The following B3GAT2 variants were observed in gnomAD, a reference collection of about 807,000 sequenced individuals.
The protein encoded by B3GAT2 is galactosylgalactosylxylosylprotein 3-beta-glucuronosyltransferase 2.
A neutral mutation model predicts 27.8 loss-of-function variants in B3GAT2; 26 were observed. The observed-to-expected ratio is 0.93, with a 90% CI of 0.68 to 1.30. B3GAT2 has a LOEUF of 1.30. Ranked by LOEUF, B3GAT2 falls within the 50% of genes most tolerant of loss-of-function variation. B3GAT2 has a pLI of 0.00. For missense variants in B3GAT2, 458 were observed against 459.0 expected, an observed-to-expected ratio of 1.00 and a Z score of 0.02; for synonymous variants, 218 against 195.1, an observed-to-expected ratio of 1.12 and a Z score of -0.98.
chr6:70,895,475 T>C (rs1582361434), intron 1 of B3GAT2, among the ~76,000 whole-genome samples: 1 of 149,510 alleles, frequency 6.7e-6, no homozygotes, highest in South Asian at 2.1e-4. Flanking sequence ...ATTATTATCC[T>C]ACCTTGTTCC....
intron 1 of B3GAT2, among the ~76,000 whole-genome samples, chr6:70,894,761 G>C (rs1252226232): frequency 8.5e-5 from 13 of 152,124 alleles, no homozygotes; most frequent in Non-Finnish European, 1.6e-4. Context: ...TTAATAATGG[G>C]ATCCAGATAC....
rs995478113 is a variant in B3GAT2, at chr6:70,857,449, T to C, written c.*4214A>G. The C allele has an allele frequency of 6.5e-5, 11 of 169,314 alleles. No homozygotes were observed. The highest frequency in any genetic ancestry group is 1.9e-4 in the African/African-American group (8 of 41,924). The allele number at this position is 169,314 out of a possible 1,614,324, so 10.5% of individuals were successfully genotyped here. On this transcript the variant is annotated 3_prime_UTR_variant, in exon 4 of 4. Coordinates refer to ENST00000230053, the MANE Select transcript of B3GAT2 (RefSeq NM_080742.3). ...TAACAAAATATTAGCATAAGCCTTA[T>C]TGTTTACAGAGTTTTAATCTTTCAC...
At position 70,861,511 on chromosome 6, in the gene B3GAT2, C is replaced by G. The variant is rs549009881; in HGVS notation, c.*152G>C. 1 of 651,106 alleles carries G rather than the reference C, an allele frequency of 1.5e-6. No homozygotes were observed. Among genetic ancestry groups the G allele is most frequent in the East Asian group, 2.7e-5 (1 of 36,558 alleles). 40.3% of individuals were successfully genotyped at this position (651,106 alleles called of 1,614,324 possible). A position where few individuals can be genotyped will look rare whatever the true frequency, so the allele number is the denominator to read the frequency against. On this transcript the variant is annotated 3_prime_UTR_variant, in exon 4 of 4. Coordinates refer to ENST00000230053, the MANE Select transcript of B3GAT2 (RefSeq NM_080742.3). ...CAATTAGCTTATGTTAACTGACAAG[C>G]TCCATTTAAACAGATGTCCATCAGA...
intron 1 of B3GAT2, among the ~76,000 whole-genome samples, chr6:70,948,197 C>T (rs9455269): frequency 0.7 from 94,027 of 133,682 alleles, 33,650 homozygotes; most frequent in African/African-American, 0.75. Context: ...CTCTCACCAC[C>T]CCTATTCAAC....
At chr6:70,927,506 A>G (rs1205417938) in intron 1 of B3GAT2, among the ~76,000 whole-genome samples, 1 of 152,222 alleles carries the variant, frequency 6.6e-6, no homozygotes, top group East Asian at 1.9e-4. Flanking sequence ...TGGAAAGCAA[A>G]AAAACCGGGG....
intron 1 of B3GAT2, among the ~76,000 whole-genome samples, chr6:70,953,419 T>C (rs1440609912): frequency 6.6e-6 from 1 of 152,148 alleles, no homozygotes; most frequent in Non-Finnish European, 1.5e-5. Flanking sequence ...ATGATGGAAT[T>C]CAATAATGTT....
chr6:70,870,433 C>G (rs1490909282), intron 2 of B3GAT2, among the ~76,000 whole-genome samples: 1 of 149,240 alleles, frequency 6.7e-6, no homozygotes, highest in Non-Finnish European at 1.5e-5. Flanking sequence ...GGAGATATAC[C>G]TAATGCTAAA....
chr6:70,901,492 G>C (rs1441686572), intron 1 of B3GAT2, among the ~76,000 whole-genome samples: 1 of 152,246 alleles, frequency 6.6e-6, no homozygotes, highest in East Asian at 1.9e-4. Context: ...ATTGGTGTGT[G>C]TGTCAAAGGG....
At chr6:70,924,056 A>G (rs1001452343) in intron 1 of B3GAT2, among the ~76,000 whole-genome samples, 2 of 152,196 alleles carry the variant, frequency 1.3e-5, no homozygotes, top group African/African-American at 4.8e-5. Context: ...AGTGATGGAT[A>G]CCATAAAAGT....
chr6:70,906,668 C>G (rs1582371998), intron 1 of B3GAT2, among the ~76,000 whole-genome samples: 1 of 152,220 alleles, frequency 6.6e-6, no homozygotes, highest in East Asian at 1.9e-4. Flanking sequence ...AGCACACACT[C>G]CTACTTTTTC....
chr6:70,857,227 C>CTTTATTT lies in B3GAT2; in HGVS notation c.*4429_*4435dup, dbSNP rs1771465075. 16 of 441,298 alleles carry CTTTATTT rather than the reference C, an allele frequency of 3.6e-5. No homozygotes were observed. In the South Asian group the frequency reaches 1.0e-3, roughly 28 times the overall value. 27.3% of individuals were successfully genotyped at this position (441,298 alleles called of 1,614,324 possible). ...AGAGGCATGTACAGGATTCACAGAA[C>CTTTATTT]TTTATTTGGAATTAACAAGCTGTTC... On this transcript the variant is annotated 3_prime_UTR_variant, in exon 4 of 4. Coordinates refer to ENST00000230053, the MANE Select transcript of B3GAT2 (RefSeq NM_080742.3).
At chr6:70,862,514 T>C (rs929837288) in intron 2 of B3GAT2, among the ~76,000 whole-genome samples, 2 of 152,126 alleles carry the variant, frequency 1.3e-5, no homozygotes, top group African/African-American at 4.8e-5. Flanking sequence ...TACCTAATTT[T>C]TAATCATCTG....
Position 70,858,134 on chromosome 6 carries a change from G to C in B3GAT2, c.*3529C>G, listed in dbSNP as rs370666289. 6.2e-7 allele frequency: 1 copy of C among 1,614,024 alleles called. No individual in the cohort carries two copies. Among genetic ancestry groups the C allele is most frequent in the South Asian group, 1.1e-5 (1 of 91,082 alleles). On this transcript the variant is annotated 3_prime_UTR_variant, in exon 4 of 4. Coordinates refer to ENST00000230053, the MANE Select transcript of B3GAT2 (RefSeq NM_080742.3). ...TGTGATGCCACTTCCTCAGAACGTTGTTGGCCCCCAAGGAGGAATGGTGGG... is the reference window on the plus strand; with the variant it reads ...TGTGATGCCACTTCCTCAGAACGTTCTTGGCCCCCAAGGAGGAATGGTGGG...
At chr6:70,866,996 A>G (rs1018582499) in intron 2 of B3GAT2, among the ~76,000 whole-genome samples, 7 of 152,152 alleles carry the variant, frequency 4.6e-5, no homozygotes, top group Admixed American at 3.9e-4. Context: ...ATTAAAATAG[A>G]TATCAGTAAA....
At chr6:70,899,626 G>C (rs1772459555) in intron 1 of B3GAT2, among the ~76,000 whole-genome samples, 1 of 152,180 alleles carries the variant, frequency 6.6e-6, no homozygotes, top group Non-Finnish European at 1.5e-5. Flanking sequence ...ATGCCCTGCT[G>C]AAATTCCATG....
At chr6:70,904,556 A>AAGTACG (rs2150036253) in intron 1 of B3GAT2, among the ~76,000 whole-genome samples, 1 of 152,296 alleles carries the variant, frequency 6.6e-6, no homozygotes, top group East Asian at 1.9e-4. Context: ...AGAGTACTGA[A>AAGTACG]AGTACGAGAT....
intron 1 of B3GAT2, among the ~76,000 whole-genome samples, chr6:70,914,314 G>T (rs1452672365): frequency 6.6e-6 from 1 of 152,012 alleles, no homozygotes; most frequent in African/African-American, 2.4e-5. Context: ...CCCGGTGTGT[G>T]ATGTTCCCCT....
rs780765140 is a variant in B3GAT2, at chr6:70,861,852, G to A, written c.863C>T (p.Pro288Leu). 4.2e-5 allele frequency: 68 copies of A among 1,613,886 alleles called. No homozygotes were observed. The highest frequency in any genetic ancestry group is 5.3e-5 in the Non-Finnish European group (62 of 1,179,984). Reference protein sequence around the residue: ...KQITTVEELEPKANNCTKVLV... With the variant: ...KQITTVEELELKANNCTKVLV... ...TACCTTAGTGCAGTTATTTGCTTTC[G>A]GTTCCAGTTCTTCGACTGTTGTTAT... Residue 288 changes from proline to leucine, a missense_variant, in exon 3 of 4, where the codon CCG becomes CTG. Physicochemically the swap from Pro to Leu is moderately conservative, Grantham distance 98. Transcript: ENST00000230053.
chr6:70,894,341 T>G, intron 1 of B3GAT2, 69 bp from the exon 2 acceptor site: 8 of 1,435,544 alleles, frequency 5.6e-6, no homozygotes, highest in East Asian at 2.3e-5. Flanking sequence ...GAATGTGATC[T>G]ATGTAGAAGA....
Sources: gnomAD v4.1 joint callset for allele counts (sites outside exome capture counted in the v4.1 genomes callset) on GRCh38, gnomAD v4.1.1 for gene constraint, MANE v1.5 for transcripts, NCBI Gene and HGNC (gene_info 2026-07-23, HGNC 2026-07-21) for gene names.